The following BCL9 variants were observed in gnomAD, a reference collection of about 807,000 sequenced individuals.
BCL9 encodes the protein BCL9 transcription coactivator.
BCL9 carries 25 observed loss-of-function variants against 88.5 expected under a neutral mutation model. The observed-to-expected ratio is 0.28, with a 90% CI of 0.21 to 0.39. BCL9 has a LOEUF of 0.39. Ranked by LOEUF, BCL9 falls within the 10% of genes least tolerant of loss-of-function variation. The pLI, the probability that BCL9 is intolerant of heterozygous loss-of-function variation, is 1.00. For synonymous variants in BCL9, 711 were observed against 673.3 expected (o/e 1.06, Z -0.87); for missense variants, 1,817 against 1,877.8 (o/e 0.97, Z 0.60).
intron 1 of BCL9, among the ~76,000 whole-genome samples, chr1:147,567,056 G>A (rs1472798321): frequency 6.6e-6 from 1 of 152,162 alleles, no homozygotes; most frequent in Admixed American, 6.5e-5. Flanking sequence ...CGTGGGTAAG[G>A]AGTTCATTCC....
At chr1:147,542,504 T>C (rs1654379447) in intron 1 of BCL9, among the ~76,000 whole-genome samples, 1 of 152,216 alleles carries the variant, frequency 6.6e-6, no homozygotes, top group Admixed American at 6.5e-5. Context: ...CTAGAGATGC[T>C]GTGGAATCAC....
Position 147,619,589 on chromosome 1 carries a change from G to A in BCL9, c.1434G>A (p.Glu478=). 6.2e-7 allele frequency: 1 copy of A among 1,614,108 alleles called. No individual in the cohort carries two copies. ...EQIAWLKLQQ[E]FYEEKRRKQE... ...TAGCGTGGCTGAAACTGCAGCAGGA[G>A]TTTTATGAAGAGAAGAGGAGGAAGC... Residue 478 remains glutamate (E), a synonymous_variant, in exon 8 of 10, where the codon GAG becomes GAA. Transcript: ENST00000234739. This position sits in a 1 kb window ranked among gnomAD's most constrained non-coding sequence, Gnocchi z 4.1.
intron 1 of BCL9, among the ~76,000 whole-genome samples, chr1:147,598,824 G>A (rs1553200748): frequency 6.6e-6 from 1 of 152,170 alleles, no homozygotes; most frequent in Non-Finnish European, 1.5e-5. Context: ...TTCTGGGGAG[G>A]GTGCAGAGCA....
At chr1:147,610,395 T>C (rs1553202474) in intron 3 of BCL9, among the ~76,000 whole-genome samples, 1 of 152,174 alleles carries the variant, frequency 6.6e-6, no homozygotes, top group Non-Finnish European at 1.5e-5. Context: ...CCAGGTAAAA[T>C]AGCTGAGACT....
At position 147,620,579 on chromosome 1, in the gene BCL9, G is replaced by C; in HGVS notation, c.2424G>C (p.Gln808His). ...TCAGAGAACCAATTGGGCCCGACCAGAGGACTAACAGCCGGCTCAGTCATA... is the reference window on the plus strand; with the variant it reads ...TCAGAGAACCAATTGGGCCCGACCACAGGACTAACAGCCGGCTCAGTCATA... Reference protein sequence around the residue: ...RNLREPIGPDQRTNSRLSHMP... With the variant: ...RNLREPIGPDHRTNSRLSHMP... Residue 808 changes from glutamine to histidine, a missense_variant, in exon 8 of 10, where the codon CAG (glutamine) becomes CAC (histidine). By Grantham distance (24) the Gln-to-His change is conservative. Coordinates refer to ENST00000234739, the MANE Select transcript of BCL9 (RefSeq NM_004326.4). The C allele has an allele frequency of 6.2e-7, 1 of 1,614,170 alleles. No individual in the cohort carries two copies. The highest frequency in any genetic ancestry group is 8.5e-7 in the Non-Finnish European group (1 of 1,180,032).
In BCL9 at chr1:147,624,059, A is replaced by G. The variant is rs1553205974; in HGVS notation, c.3381A>G (p.Pro1127=). ...TCATGGGGCATGGGTCCCAGGAGCC[A>G]CCGATGGTACCTCAAGGACGGATGG... is the stretch of plus-strand genomic sequence containing the variant. ...NPIMGHGSQE[P]PMVPQGRMGF... The change falls in exon 10 of 10, where the codon CCA becomes CCG. Residue 1127 remains proline, a synonymous_variant. Coordinates refer to ENST00000234739, the MANE Select transcript of BCL9 (RefSeq NM_004326.4). This position sits in a 1 kb window ranked among gnomAD's most constrained non-coding sequence, Gnocchi z 4.4. 5 of 1,613,664 alleles carry G rather than the reference A, an allele frequency of 3.1e-6. No homozygotes were observed. The African/African-American group carries it at 5.3e-5, about 17-fold the overall frequency.
chr1:147,596,299 T>C (rs587656390), intron 1 of BCL9, among the ~76,000 whole-genome samples: 30 of 152,326 alleles, frequency 2.0e-4, no homozygotes, highest in African/African-American at 7.2e-4. Flanking sequence ...ATAAGGAGAT[T>C]TGTTTCTTTT....
chr1:147,619,765 G>T lies in BCL9; in HGVS notation c.1610G>T (p.Gly537Val). ...APGGTEPFSDGINMPHSLPPR... is the reference protein window; with the variant it reads ...APGGTEPFSDVINMPHSLPPR... ...GGGGGTACAGAGCCATTTTCTGATG[G>T]TATCAACATGCCACATTCTCTGCCC... Residue 537 changes from glycine to valine, a missense_variant, in exon 8 of 10, where the codon GGT (glycine) becomes GTT (valine). This residue lies in a region of BCL9 where 1,228 missense variants were observed against 1,191.6 expected (regional missense o/e 1.03). Transcript: ENST00000234739. This position sits in a 1 kb window ranked among gnomAD's most constrained non-coding sequence, Gnocchi z 4.1. 2 of 1,614,052 alleles carry T rather than the reference G, an allele frequency of 1.2e-6. No homozygotes were observed. The highest frequency in any genetic ancestry group is 1.7e-6 in the Non-Finnish European group (2 of 1,180,012).
At chr1:147,552,501 G>T (rs587669230) in intron 1 of BCL9, among the ~76,000 whole-genome samples, 1 of 152,268 alleles carries the variant, frequency 6.6e-6, no homozygotes, top group Non-Finnish European at 1.5e-5. Context: ...AGCTACTCGG[G>T]AGACTGAGGC....
chr1:147,560,382 G>C (rs1553195962), intron 1 of BCL9, among the ~76,000 whole-genome samples: 1 of 151,622 alleles, frequency 6.6e-6, no homozygotes, highest in African/African-American at 2.4e-5. Context: ...CTGAGGTCAG[G>C]AGTTCTAGAC....
intron 1 of BCL9, among the ~76,000 whole-genome samples, chr1:147,561,730 G>A (rs1366611061): frequency 1.3e-5 from 2 of 152,184 alleles, no homozygotes; most frequent in Admixed American, 6.5e-5. Flanking sequence ...AGTAAGACAT[G>A]TACACAGATA....
intron 1 of BCL9, among the ~76,000 whole-genome samples, chr1:147,566,391 G>A (rs1410998285): frequency 6.6e-6 from 1 of 152,156 alleles, no homozygotes; most frequent in African/African-American, 2.4e-5. Flanking sequence ...TCAATTCAGG[G>A]GACCCCCCTG....
intron 1 of BCL9, among the ~76,000 whole-genome samples, chr1:147,604,030 T>C (rs1657528751): frequency 6.6e-6 from 1 of 152,236 alleles, no homozygotes; most frequent in African/African-American, 2.4e-5. Flanking sequence ...CTGTAATTTT[T>C]GAAGTAGTGT....
chr1:147,543,803 G>C (rs622573), intron 1 of BCL9, among the ~76,000 whole-genome samples: 1,998 of 152,236 alleles, frequency 0.013, 21 homozygotes, highest in Middle Eastern at 0.034. Flanking sequence ...CTGGGGTTCA[G>C]AGTACCCCAA....
At position 147,620,492 on chromosome 1, in the gene BCL9, G is replaced by A; in HGVS notation, c.2337G>A (p.Met779Ile). The change falls in exon 8 of 10, where the codon ATG becomes ATA. Residue 779 changes from methionine (M) to isoleucine (I), a missense_variant. Physicochemically the swap from Met to Ile is conservative, Grantham distance 10. Transcript: ENST00000234739. The stretch of plus-strand genomic sequence containing the variant: ...AGCACCCCCAGCAGGAGTATGGCAT[G>A]GGCCCCAGACCATTCCTTCCCATGT... ...FGEHPQQEYGMGPRPFLPMSQ... is the reference protein window; with the variant it reads ...FGEHPQQEYGIGPRPFLPMSQ... 6.2e-7 allele frequency: 1 copy of A among 1,614,134 alleles called. No homozygotes were observed. The highest frequency in any genetic ancestry group is 1.1e-5 in the South Asian group (1 of 91,084).
rs1460847259 is a variant in BCL9 at position 147,620,238 on chromosome 1, A to G, written c.2083A>G (p.Lys695Glu). The change falls in exon 8 of 10, where the codon AAA (lysine) becomes GAA (glutamate). Residue 695 changes from lysine to glutamate, a missense_variant. Coordinates refer to ENST00000234739, the MANE Select transcript of BCL9 (RefSeq NM_004326.4). ...PLSPSRGDFP[K>E]GIPPQMGPGR... ...GAGTCCTTCTAGGGGTGACTTTCCA[A>G]AAGGAATTCCCCCACAGATGGGCCC... 2.5e-6 allele frequency: 4 copies of G among 1,614,024 alleles called. No homozygotes were observed. Among genetic ancestry groups the G allele is most frequent in the Non-Finnish European group, 2.5e-6 (3 of 1,180,018 alleles).
At chr1:147,551,228 C>T (rs587750221) in intron 1 of BCL9, among the ~76,000 whole-genome samples, 11 of 152,304 alleles carry the variant, frequency 7.2e-5, no homozygotes, top group African/African-American at 2.6e-4. Flanking sequence ...GTATAACTTG[C>T]CCAACATCAT....
intron 1 of BCL9, among the ~76,000 whole-genome samples, chr1:147,556,613 A>G (rs782584399): frequency 8.6e-5 from 13 of 151,582 alleles, no homozygotes; most frequent in Non-Finnish European, 1.9e-4. Context: ...ACACTTAGCT[A>G]ATTTTTAAAT....
At position 147,618,966 on chromosome 1, in the gene BCL9, C is replaced by G. The variant is rs1553204317; in HGVS notation, c.811C>G (p.Pro271Ala). 6.2e-7 allele frequency: 1 copy of G among 1,613,862 alleles called. No individual in the cohort carries two copies. The highest frequency in any genetic ancestry group is 1.1e-5 in the South Asian group (1 of 91,050). The change falls in exon 8 of 10, where the codon CCA (proline) becomes GCA (alanine). Residue 271 changes from proline to alanine, a missense_variant. Around this residue, in one of 2 missense-constraint regions of BCL9, gnomAD observed 1,228 missense variants for 1,191.6 expected, o/e 1.03. Transcript: ENST00000234739. Reference sequence around the variant, plus strand: ...ACCAGCACCCAAGCCTGCCGCACCCCCACGTCCCCTGGACCGGGAGAGTCC... The same window carrying G: ...ACCAGCACCCAAGCCTGCCGCACCCGCACGTCCCCTGGACCGGGAGAGTCC... ...PAPAPKPAAPPRPLDRESPGV... is the reference protein window; with the variant it reads ...PAPAPKPAAPARPLDRESPGV...
Sources: gnomAD v4.1 joint callset for allele counts (sites outside exome capture counted in the v4.1 genomes callset) on GRCh38, gnomAD v4.1.1 for gene constraint, gnomAD v4.1.1 regional missense constraint, Gnocchi (gnomAD v3.1) non-coding constraint, MANE v1.5 for transcripts, NCBI Gene and HGNC (gene_info 2026-07-23, HGNC 2026-07-21) for gene names.